Variants in SENP6 observed in about 807,000 individuals in gnomAD.
SENP6 encodes the protein sentrin-specific protease 6.
A neutral mutation model predicts 134.5 loss-of-function variants in SENP6; 41 were observed. The observed-to-expected ratio is 0.30, with a 90% CI of 0.24 to 0.40. SENP6 has a LOEUF of 0.40. Among genes scored for constraint, SENP6 ranks in the 10% least tolerant of loss-of-function variants. SENP6 has a pLI of 1.00. For missense variants in SENP6, 1,248 were observed against 1,312.5 expected (o/e 0.95, Z 0.76); for synonymous variants, 395 against 429.8 (o/e 0.92, Z 1.00).
intron 6 of SENP6, among the ~76,000 whole-genome samples, chr6:75,647,104 G>C (rs544941407): frequency 1.3e-5 from 2 of 152,194 alleles, no homozygotes; most frequent in East Asian, 3.9e-4. Context: ...TTTAGAGTAG[G>C]AAAGTAGCTA....
At chr6:75,697,560 A>C in intron 18 of SENP6, 43 bp downstream of exon 18, 1 of 1,330,526 alleles carries the variant, frequency 7.5e-7, no homozygotes, top group East Asian at 2.3e-5. Context: ...TAAATCATGT[A>C]AATGATGGCA....
intron 10 of SENP6, among the ~76,000 whole-genome samples, chr6:75,669,357 A>G (rs1167779555): frequency 6.6e-6 from 1 of 152,230 alleles, no homozygotes; most frequent in Admixed American, 6.5e-5. Context: ...CTCCATCTCA[A>G]AAAATAATAA....
intron 6 of SENP6, among the ~76,000 whole-genome samples, chr6:75,643,231 A>G (rs572426192): frequency 1.3e-5 from 2 of 152,362 alleles, no homozygotes; most frequent in South Asian, 2.1e-4. Flanking sequence ...AACAAGTCCT[A>G]TCAGTAGTTA....
intron 19 of SENP6, among the ~76,000 whole-genome samples, chr6:75,704,994 G>A (rs1775293121): frequency 6.6e-6 from 1 of 152,140 alleles, no homozygotes; most frequent in African/African-American, 2.4e-5. Flanking sequence ...AGCATCTCAG[G>A]GCAAAGCAAT....
chr6:75,677,430 G>A, intron 14 of SENP6, 174 bp downstream of exon 14: 1 of 540,304 alleles, frequency 1.9e-6, no homozygotes, highest in Admixed American at 3.6e-5. Flanking sequence ...GTGGTGGGTA[G>A]GTGCCAAATA....
chr6:75,623,131 G>A (rs1200325466), intron 2 of SENP6, among the ~76,000 whole-genome samples: 1 of 151,782 alleles, frequency 6.6e-6, no homozygotes, highest in Non-Finnish European at 1.5e-5. Flanking sequence ...AAATATCTAG[G>A]ACTTTACAAT....
chr6:75,681,331 T>G (rs1773449516), intron 16 of SENP6, among the ~76,000 whole-genome samples: 1 of 152,212 alleles, frequency 6.6e-6, no homozygotes, highest in Non-Finnish European at 1.5e-5. Context: ...AAGATGTATG[T>G]CCTTCCTCTT....
chr6:75,673,122 C>T (rs570867489), intron 11 of SENP6, among the ~76,000 whole-genome samples: 133 of 152,154 alleles, frequency 8.7e-4, no homozygotes, highest in African/African-American at 3.1e-3. Flanking sequence ...CCACTGCACC[C>T]GGCCAATTGG....
chr6:75,714,128 C>G (rs560663182), intron 23 of SENP6, among the ~76,000 whole-genome samples: 2 of 152,248 alleles, frequency 1.3e-5, no homozygotes, highest in South Asian at 4.1e-4. Context: ...CCTCTTTTAG[C>G]CTCTTTTCTC....
intron 7 of SENP6, among the ~76,000 whole-genome samples, chr6:75,651,568 T>C (rs1339229146): frequency 6.6e-6 from 1 of 152,156 alleles, no homozygotes; most frequent in Non-Finnish European, 1.5e-5. Context: ...CCCAGTTTGC[T>C]GTCAGGCTTC....
chr6:75,711,341 A>G lies in SENP6; in HGVS notation c.2834A>G (p.Asp945Gly). 1 of 1,612,980 alleles carries G rather than the reference A, an allele frequency of 6.2e-7. No homozygotes were observed. The highest frequency in any genetic ancestry group is 2.2e-5 in the East Asian group (1 of 44,842). The change falls in exon 21 of 24, where the codon GAC becomes GGC. Residue 945 changes from aspartate (D) to glycine (G), a missense_variant. Around this residue, in one of 3 missense-constraint regions of SENP6, gnomAD observed 386 missense variants for 395.0 expected, o/e 0.98. Coordinates refer to ENST00000447266, the MANE Select transcript of SENP6 (RefSeq NM_015571.4). ...TGTCTTTTATAGGATGATAGCAGTG[A>G]CGATGGATTCCTCGCTGATGACAAC... ...EDQDNQDDSS[D>G]DGFLADDNCS...
chr6:75,639,959 C>T (rs952856023), intron 5 of SENP6, among the ~76,000 whole-genome samples: 1 of 152,120 alleles, frequency 6.6e-6, no homozygotes, highest in Non-Finnish European at 1.5e-5. Flanking sequence ...ACAGTAGTCT[C>T]CTCCTTATTT....
At position 75,633,552 on chromosome 6, in the gene SENP6, G is replaced by T. The variant is rs1263348311; in HGVS notation, c.208-29G>T. ...TAGATTGTCACATTATAGCATTTTT[G>T]ACTCATATTTCTGGATCTTTTTTTA... On this transcript the variant is annotated intron_variant, in intron 3 of 23. Coordinates refer to ENST00000447266, the MANE Select transcript of SENP6 (RefSeq NM_015571.4). 1.9e-6 allele frequency: 3 copies of T among 1,559,174 alleles called. No homozygotes were observed. In the South Asian group the frequency reaches 3.7e-5, roughly 19 times the overall value.
chr6:75,602,410 C>G lies in SENP6; in HGVS notation c.-115C>G. On this transcript the variant is annotated 5_prime_UTR_variant, in exon 1 of 24. Coordinates refer to ENST00000447266, the MANE Select transcript of SENP6 (RefSeq NM_015571.4). ...GAGCGCAGCCCGCCTGACGGCTGAG[C>G]CCGAGGCCCGCAACCCTGCGGCGTC... is the stretch of plus-strand genomic sequence containing the variant. 8.0e-7 allele frequency: 1 copy of G among 1,253,924 alleles called. No individual in the cohort carries two copies. Among genetic ancestry groups the G allele is most frequent in the Non-Finnish European group, 1.1e-6 (1 of 894,434 alleles). The allele number at this position is 1,253,924 out of a possible 1,614,324, so 77.7% of individuals were successfully genotyped here.
intron 2 of SENP6, among the ~76,000 whole-genome samples, chr6:75,623,536 A>C (rs1360890089): frequency 2.0e-5 from 3 of 152,156 alleles, no homozygotes; most frequent in African/African-American, 7.2e-5. Flanking sequence ...CTTAATTTTC[A>C]ATCTAAGACA....
intron 10 of SENP6, among the ~76,000 whole-genome samples, chr6:75,668,701 A>T (rs1160005829): frequency 6.6e-6 from 1 of 152,248 alleles, no homozygotes; most frequent in Admixed American, 6.5e-5. Context: ...GACTGCAAAA[A>T]TGCTCTTTGA....
chr6:75,627,419 T>C (rs1408506368), intron 3 of SENP6, among the ~76,000 whole-genome samples: 1 of 152,154 alleles, frequency 6.6e-6, no homozygotes, highest in South Asian at 2.1e-4. Flanking sequence ...TTTAGGTGTT[T>C]TTTAGATAGA....
chr6:75,703,333 T>C (rs977451060), intron 19 of SENP6, among the ~76,000 whole-genome samples: 2 of 152,242 alleles, frequency 1.3e-5, no homozygotes, highest in Non-Finnish European at 1.5e-5. Context: ...AATTTACTTA[T>C]AACAATATAG....
At position 75,663,822 on chromosome 6, in the gene SENP6, G is replaced by T. The variant is rs1321151464; in HGVS notation, c.994+304G>T. On this transcript the variant is annotated intron_variant, in intron 9 of 23. Coordinates refer to ENST00000447266, the MANE Select transcript of SENP6 (RefSeq NM_015571.4). The stretch of plus-strand genomic sequence containing the variant: ...GCTGATAGTGGGTTTTTTTTTTTGT[G>T]GGGGGGGGGGTGCCTAAAATAACAT... 7.5e-4 allele frequency among the ~76,000 whole-genome samples: 19 copies of T among 25,444 alleles called. No homozygotes were observed. In the Middle Eastern group the frequency reaches 0.033, roughly 44 times the overall value. 16.7% of individuals were successfully genotyped at this position (25,444 alleles called of 152,430 possible).
Sources: allele counts gnomAD v4.1 joint callset (sites outside exome capture counted in the v4.1 genomes callset), GRCh38; gene constraint gnomAD v4.1.1; regional missense constraint gnomAD v4.1.1; transcripts MANE v1.5; gene names NCBI Gene and HGNC (gene_info 2026-07-23, HGNC 2026-07-21).